The following SYT7 variants were observed in gnomAD, a reference collection of about 807,000 sequenced individuals.
SYT7 encodes synaptotagmin 7.
Under a neutral mutation model 75.1 loss-of-function variants are expected in SYT7, and 29 were observed. That is an observed-to-expected ratio of 0.39 (90% confidence interval 0.29 to 0.53). The LOEUF is 0.53. Ranked by LOEUF, SYT7 falls within the 20% of genes least tolerant of loss-of-function variation. SYT7 has a pLI of 0.77. For missense variants in SYT7, 693 were observed against 953.2 expected, an observed-to-expected ratio of 0.73 and a Z score of 3.59; for synonymous variants, 376 against 401.7, an observed-to-expected ratio of 0.94 and a Z score of 0.76.
Position 61,538,278 on chromosome 11 carries a change from G to A in SYT7, c.942-12C>T. On this transcript the variant is annotated splice_polypyrimidine_tract_variant and intron_variant, in intron 6 of 12. Coordinates refer to ENST00000539008, the MANE Select transcript of SYT7 (RefSeq NM_001365809.2). The stretch of plus-strand genomic sequence containing the variant: ...CCATCCGGCCTTCCCTGCCCGGGGA[G>A]GGCAGCCCACAGGCCAGGGTGAAAC... 4 of 1,520,976 alleles carry A rather than the reference G, an allele frequency of 2.6e-6. No individual in the cohort carries two copies. The highest frequency in any genetic ancestry group is 3.5e-6 in the Non-Finnish European group (4 of 1,136,914). The allele number at this position is 1,520,976 out of a possible 1,614,324, so 94.2% of individuals were successfully genotyped here.
chr11:61,549,846 G>A (rs1038942415), intron 3 of SYT7, among the ~76,000 whole-genome samples: 5 of 152,298 alleles, frequency 3.3e-5, no homozygotes, highest in Non-Finnish European at 7.4e-5. Flanking sequence ...CCTGCTGCCC[G>A]CCCTCCCCCT....
chr11:61,540,917 G>A (rs555382749), intron 6 of SYT7: 16 of 985,350 alleles, frequency 1.6e-5, no homozygotes, highest in African/African-American at 5.2e-5. Context: ...TTGTGCAGGC[G>A]TCCAGTTAGA....
Position 61,542,529 on chromosome 11 carries a change from C to A in SYT7, c.623G>T (p.Ser208Ile). ...CTGGCATTTCGGCTCTCCCGTGGAG[C>A]TGGGGATAGACTCAAGGGTAGTGGC... Reference protein sequence around the residue: ...STATTLESIPSSTGEPKCQRP... With the variant: ...STATTLESIPISTGEPKCQRP... The change falls in exon 6 of 13, where the codon AGC (serine) becomes ATC (isoleucine). Residue 208 changes from serine (S) to isoleucine (I), a missense_variant. Coordinates refer to ENST00000539008, the MANE Select transcript of SYT7 (RefSeq NM_001365809.2). The surrounding 1 kb of genome is among the most constrained non-coding windows in gnomAD (Gnocchi z 7.8). The A allele has an allele frequency of 6.5e-7, 1 of 1,530,506 alleles. No individual in the cohort carries two copies. The highest frequency in any genetic ancestry group is 1.2e-5 in the South Asian group (1 of 83,508). The allele number at this position is 1,530,506 out of a possible 1,614,324, so 94.8% of individuals were successfully genotyped here.
At chr11:61,577,624 G>A (rs79107934) in intron 1 of SYT7, among the ~76,000 whole-genome samples, 6,310 of 152,278 alleles carry the variant, frequency 0.041, 231 homozygotes, top group African/African-American at 0.098. Context: ...TTCACCTTGA[G>A]AGAAGAGGCC....
intron 9 of SYT7, chr11:61,526,130 G>A (rs1008766800): frequency 5.3e-5 from 8 of 152,242 alleles, no homozygotes; most frequent in Admixed American, 1.3e-4. Flanking sequence ...CCTTCCCCCA[G>A]AGACTCTGGA....
At chr11:61,563,664 C>G (rs547797057) in intron 1 of SYT7, among the ~76,000 whole-genome samples, 1 of 152,292 alleles carries the variant, frequency 6.6e-6, no homozygotes, top group South Asian at 2.1e-4. Flanking sequence ...GCAGGCCAAC[C>G]CTTGTCACAC....
intron 1 of SYT7, among the ~76,000 whole-genome samples, chr11:61,568,201 G>C (rs1029058855): frequency 4.2e-5 from 6 of 143,814 alleles, no homozygotes; most frequent in African/African-American, 1.8e-4. Context: ...CACCCTACAG[G>C]TGGGGCTCTT....
intron 9 of SYT7, among the ~76,000 whole-genome samples, chr11:61,527,516 C>A (rs765849146): frequency 6.6e-6 from 1 of 152,150 alleles, no homozygotes; most frequent in Admixed American, 6.5e-5. Flanking sequence ...CTGAGTCCTA[C>A]GGGTGCCTCC....
At chr11:61,548,410 C>A (rs2063252556) in intron 3 of SYT7, among the ~76,000 whole-genome samples, 1 of 152,206 alleles carries the variant, frequency 6.6e-6, no homozygotes, top group Admixed American at 6.5e-5. Context: ...CGGTGGAGGG[C>A]ATGGCCTGGA....
chr11:61,530,568 C>G (rs567649568), intron 8 of SYT7, among the ~76,000 whole-genome samples: 1 of 152,116 alleles, frequency 6.6e-6, no homozygotes, highest in Non-Finnish European at 1.5e-5. Flanking sequence ...GCAGAGGGAT[C>G]GAGCACCTGG....
intron 3 of SYT7, among the ~76,000 whole-genome samples, chr11:61,547,630 G>A (rs1297142789): frequency 1.3e-5 from 2 of 151,910 alleles, no homozygotes; most frequent in African/African-American, 4.8e-5. Flanking sequence ...GCTGGTGGGA[G>A]AGAGAAAATG....
rs554036199 is a variant in SYT7 at position 61,528,294 on chromosome 11, C to G, written c.1201-109G>C. The G allele has an allele frequency of 6.8e-5, 93 of 1,359,966 alleles. No individual in the cohort carries two copies. In the African/African-American group the frequency reaches 1.2e-3, roughly 17 times the overall value. 84.2% of individuals were successfully genotyped at this position (1,359,966 alleles called of 1,614,324 possible). A position where few individuals can be genotyped will look rare whatever the true frequency, so the allele number is the denominator to read the frequency against. The stretch of plus-strand genomic sequence containing the variant: ...GCCAGAGGCGGTGGCCCAGCCCACA[C>G]TCACATCCCACGGACGCTGCTCAGG... On this transcript the variant is annotated intron_variant, in intron 8 of 12. Coordinates refer to ENST00000539008, the MANE Select transcript of SYT7 (RefSeq NM_001365809.2).
At chr11:61,583,997 G>A (rs1435007809), upstream of SYT7, among the ~76,000 whole-genome samples, 11 of 152,184 alleles carry the variant, frequency 7.2e-5, no homozygotes, top group Admixed American at 7.2e-4. Context: ...AGACACCTCT[G>A]GGCCTCAGTT....
chr11:61,521,037 C>T (rs1216825309), intron 12 of SYT7, among the ~76,000 whole-genome samples: 1 of 152,240 alleles, frequency 6.6e-6, no homozygotes, highest in Non-Finnish European at 1.5e-5. Flanking sequence ...CCAGCGGCTC[C>T]ATCCTGCTGG....
At chr11:61,537,827 G>A (rs778063080) in intron 7 of SYT7, among the ~76,000 whole-genome samples, 8 of 152,142 alleles carry the variant, frequency 5.3e-5, no homozygotes, top group Admixed American at 1.3e-4. Flanking sequence ...ATGAAAGATG[G>A]AGGGGCAGCA....
Position 61,546,231 on chromosome 11 carries a change from T to C in SYT7, c.372A>G (p.Lys124=). Reference sequence around the variant, plus strand: ...CCGCCAGCCCCGCCGCGGCGGCCACTTTGGCGCCCGACAGGAGGGTGCCAC... The same window carrying C: ...CCGCCAGCCCCGCCGCGGCGGCCACCTTGGCGCCCGACAGGAGGGTGCCAC... ...SLNGTLLSGA[K]VAAAAGLAVE... is the part of the protein sequence containing the mutation. The change falls in exon 5 of 13, where the codon AAA becomes AAG. Residue 124 remains lysine, a synonymous_variant. Coordinates refer to ENST00000539008, the MANE Select transcript of SYT7 (RefSeq NM_001365809.2). This position sits in a 1 kb window ranked among gnomAD's most constrained non-coding sequence, Gnocchi z 7.6. 6.9e-7 allele frequency: 1 copy of C among 1,456,434 alleles called. No individual in the cohort carries two copies. The highest frequency in any genetic ancestry group is 1.4e-5 in the South Asian group (1 of 71,618). 90.2% of individuals were successfully genotyped at this position (1,456,434 alleles called of 1,614,324 possible).
At chr11:61,540,377 A>T in intron 6 of SYT7, 2 of 434,890 alleles carry the variant, frequency 4.6e-6, no homozygotes, top group African/African-American at 2.1e-5. Flanking sequence ...GGGGCAAATT[A>T]CGGCCCACGA....
chr11:61,555,896 G>A (rs1433386480), intron 2 of SYT7, among the ~76,000 whole-genome samples: 2 of 152,190 alleles, frequency 1.3e-5, no homozygotes, highest in African/African-American at 4.8e-5. Context: ...ATAGGGCTGA[G>A]ACCCGGGTAA....
Position 61,546,311 on chromosome 11 carries a change from G to A in SYT7, c.348-56C>T. ...AGGGGCACCGGGGGTGGCGGTGGGG[G>A]AGAGAGGGCAGGCCATACGTGGGGG... On this transcript the variant is annotated intron_variant, in intron 4 of 12. Transcript: ENST00000539008. The surrounding 1 kb of genome is among the most constrained non-coding windows in gnomAD (Gnocchi z 7.6). 8 of 1,269,994 alleles carry A rather than the reference G, an allele frequency of 6.3e-6. No homozygotes were observed. The highest frequency in any genetic ancestry group is 8.3e-6 in the Non-Finnish European group (8 of 964,834). 78.7% of individuals were successfully genotyped at this position (1,269,994 alleles called of 1,614,324 possible). A position where few individuals can be genotyped will look rare whatever the true frequency, so the allele number is the denominator to read the frequency against.
Sources: allele counts gnomAD v4.1 joint callset (sites outside exome capture counted in the v4.1 genomes callset), GRCh38; gene constraint gnomAD v4.1.1; non-coding constraint Gnocchi (gnomAD v3.1); transcripts MANE v1.5; gene names NCBI Gene and HGNC (gene_info 2026-07-23, HGNC 2026-07-21).